The following JAK2 variants were observed in gnomAD, a reference collection of about 807,000 sequenced individuals.
The protein encoded by JAK2 is Janus kinase 2, also known as tyrosine-protein kinase JAK2.
A neutral mutation model predicts 139.3 loss-of-function variants in JAK2; 86 were observed. That is an observed-to-expected ratio of 0.62 (90% CI 0.52 to 0.74). The LOEUF (loss-of-function observed/expected upper bound fraction) is 0.74, where lower values mean the gene tolerates loss of function less well. Ranked by LOEUF, JAK2 falls within the 30% of genes least tolerant of loss-of-function variation. The pLI is 0.00. For missense variants in JAK2, 1,421 were observed against 1,360.3 expected (o/e 1.04, Z -0.70); for synonymous variants, 490 against 437.7 (o/e 1.12, Z -1.49).
intron 2 of JAK2, among the ~76,000 whole-genome samples, chr9:5,002,082 A>C (rs1282594667): frequency 6.6e-6 from 1 of 151,872 alleles, no homozygotes; most frequent in Non-Finnish European, 1.5e-5. Flanking sequence ...TTGTAAATTG[A>C]TCATCTTAGA....
At chr9:5,080,980 C>G (rs1361148489) in intron 18 of JAK2, among the ~76,000 whole-genome samples, 2 of 149,536 alleles carry the variant, frequency 1.3e-5, no homozygotes, top group African/African-American at 2.5e-5. Context: ...ACTGCAAGCT[C>G]CACCTCCAAG....
intron 5 of JAK2, 22 bp downstream of exon 5, chr9:5,044,542 T>C (rs1269338329): frequency 1.1e-5 from 14 of 1,321,048 alleles, no homozygotes; most frequent in Non-Finnish European, 1.5e-5. Flanking sequence ...TTATCTTACT[T>C]GTACATGAGT....
chr9:5,040,974 G>A (rs1012250285), intron 4 of JAK2: 5 of 586,244 alleles, frequency 8.5e-6, no homozygotes, highest in African/African-American at 1.9e-5. Flanking sequence ...ACAAATATGT[G>A]GCTATCAAAT....
chr9:5,097,238 C>G (rs1474244702), intron 22 of JAK2: 1 of 152,200 alleles, frequency 6.6e-6, no homozygotes, highest in Non-Finnish European at 1.5e-5. Flanking sequence ...TTACAGCAAT[C>G]CTACTCCTTT....
At chr9:5,003,386 TA>T (rs1162061514) in intron 2 of JAK2, among the ~76,000 whole-genome samples, 1 of 152,058 alleles carries the variant, frequency 6.6e-6, no homozygotes, top group Admixed American at 6.5e-5. Context: ...AGCTAGCATT[TA>T]TTTTTTGTAG....
intron 2 of JAK2, among the ~76,000 whole-genome samples, chr9:4,998,683 A>G (rs1820741066): frequency 6.6e-6 from 1 of 151,972 alleles, no homozygotes. Flanking sequence ...TGTAGTCATC[A>G]TTAAGCATGA....
chr9:5,013,221 T>TA lies in JAK2; in HGVS notation c.-25-8733dup, dbSNP rs145497126. Reference sequence around the variant, plus strand: ...TAACTTATATCTTCTTCTTTTGTGATAAAAAAAAATAGGAGTGGTCTTTAG... The same window carrying TA: ...TAACTTATATCTTCTTCTTTTGTGATAAAAAAAAAATAGGAGTGGTCTTTAG... On this transcript the variant is annotated intron_variant, in intron 2 of 24. Coordinates refer to ENST00000381652, the MANE Select transcript of JAK2 (RefSeq NM_004972.4). 2.0e-3 allele frequency among the ~76,000 whole-genome samples: 297 copies of TA among 151,080 alleles called. 1 individual carries two copies. The highest frequency in any genetic ancestry group is 5.4e-3 in the African/African-American group (223 of 41,272).
At chr9:5,049,336 TAA>T in intron 5 of JAK2, among the ~76,000 whole-genome samples, 1 of 152,336 alleles carries the variant, frequency 6.6e-6, no homozygotes, top group Middle Eastern at 3.4e-3. Flanking sequence ...TTCTAAGTTT[TAA>T]TCCACATTAT....
intron 23 of JAK2, among the ~76,000 whole-genome samples, chr9:5,123,849 G>C (rs1823794783): frequency 6.7e-6 from 1 of 148,730 alleles, no homozygotes; most frequent in African/African-American, 2.5e-5. Context: ...TTTCCATTCT[G>C]ACTGGAGTCA....
intron 18 of JAK2, among the ~76,000 whole-genome samples, chr9:5,081,267 T>G (rs1328523419): frequency 2.0e-5 from 3 of 151,924 alleles, no homozygotes; most frequent in African/African-American, 7.3e-5. Flanking sequence ...GTATTTTTTT[T>G]TTGCTTAAAT....
chr9:5,112,188 G>C (rs1822643524), intron 22 of JAK2: 14 of 270,392 alleles, frequency 5.2e-5, no homozygotes, highest in South Asian at 4.7e-4. Context: ...CGCTGGCCTT[G>C]GGCTTCGCCG....
chr9:5,046,796 A>G (rs1817038234), intron 5 of JAK2, among the ~76,000 whole-genome samples: 1 of 128,278 alleles, frequency 7.8e-6, no homozygotes, highest in Non-Finnish European at 1.5e-5. Flanking sequence ...CCTTTTGAAA[A>G]CAGGATATTA....
intron 2 of JAK2, among the ~76,000 whole-genome samples, chr9:5,006,200 G>T (rs893612121): frequency 6.6e-6 from 1 of 152,030 alleles, no homozygotes; most frequent in Non-Finnish European, 1.5e-5. Context: ...TCCTTGAAGA[G>T]GTCCTTCACA....
chr9:4,999,708 C>G (rs1053682366), intron 2 of JAK2, among the ~76,000 whole-genome samples: 3 of 152,172 alleles, frequency 2.0e-5, no homozygotes, highest in Non-Finnish European at 2.9e-5. Context: ...CTTGGCCTCC[C>G]AAAGTGCTAG....
upstream of JAK2, chr9:4,984,853 T>TGGGCCC (rs1819848989): frequency 1.3e-5 from 2 of 152,232 alleles, no homozygotes; most frequent in Non-Finnish European, 2.9e-5. Context: ...CGCTGGCGCC[T>TGGGCCC]AGCTCCAGCC....
intron 22 of JAK2, chr9:5,109,675 C>G (rs1426627541): frequency 6.6e-6 from 1 of 152,154 alleles, no homozygotes; most frequent in African/African-American, 2.4e-5. Flanking sequence ...GTCATTATCT[C>G]AAACTGACAT....
intron 2 of JAK2, among the ~76,000 whole-genome samples, chr9:4,996,996 C>T (rs1449295485): frequency 6.1e-5 from 9 of 146,586 alleles, no homozygotes; most frequent in African/African-American, 1.5e-4. Context: ...GGCTCGATCA[C>T]GGCTCACTGC....
Position 5,129,639 on chromosome 9 carries a change from C to CAATT in JAK2, c.*2851_*2854dup, listed in dbSNP as rs1442417605. ...AGATAAGCTTGATTTAAGAAAAAAA[C>CAATT]AATTAAAGTATGAATATCAGAAATA... is the stretch of plus-strand genomic sequence containing the variant. On this transcript the variant is annotated 3_prime_UTR_variant, in exon 25 of 25. Coordinates refer to ENST00000381652, the MANE Select transcript of JAK2 (RefSeq NM_004972.4). Among the ~76,000 whole-genome samples, 1 of 151,918 alleles carries CAATT rather than the reference C, an allele frequency of 6.6e-6. No homozygotes were observed. The highest frequency in any genetic ancestry group is 6.6e-5 in the Admixed American group (1 of 15,252).
chr9:5,011,198 C>G (rs966125070), intron 2 of JAK2, among the ~76,000 whole-genome samples: 3 of 151,978 alleles, frequency 2.0e-5, no homozygotes, highest in Non-Finnish European at 4.4e-5. Flanking sequence ...AGTATTTCCT[C>G]TGTTCCACTT....
Sources: allele counts gnomAD v4.1 joint callset (sites outside exome capture counted in the v4.1 genomes callset), GRCh38; gene constraint gnomAD v4.1.1; transcripts MANE v1.5; gene names NCBI Gene and HGNC (gene_info 2026-07-23, HGNC 2026-07-21).